The following STIL variants were observed in gnomAD, a reference collection of about 807,000 sequenced individuals.
STIL encodes STIL centriolar assembly protein, also known as SCL-interrupting locus protein.
A neutral mutation model predicts 110.1 loss-of-function variants in STIL; 55 were observed. The observed-to-expected ratio is 0.50, with a 90% confidence interval of 0.40 to 0.63. STIL has a LOEUF of 0.63. STIL is among the 20% of genes least tolerant of loss of function. The pLI is 0.00. For missense variants in STIL, 1,358 were observed against 1,530.0 expected (o/e 0.89, Z 1.87); for synonymous variants, 481 against 530.0 (o/e 0.91, Z 1.27).
Position 47,293,448 on chromosome 1 carries a change from T to C in STIL, c.872+10A>G, listed in dbSNP as rs1645552315. ...CGAAATAAAGTACTACAGAATAAAA[T>C]ATCACTTGCCTTTCTTGAACAGAAG... On this transcript the variant is annotated intron_variant, in intron 8 of 16. Coordinates refer to ENST00000371877, the MANE Select transcript of STIL (RefSeq NM_001048166.1). 1 of 1,607,930 alleles carries C rather than the reference T, an allele frequency of 6.2e-7. No homozygotes were observed. Among genetic ancestry groups the C allele is most frequent in the Non-Finnish European group, 8.5e-7 (1 of 1,174,724 alleles).
At chr1:47,270,670 C>CTTTTT (rs542462270) in intron 13 of STIL, among the ~76,000 whole-genome samples, 7 of 94,082 alleles carry the variant, frequency 7.4e-5, no homozygotes, top group South Asian at 4.3e-4. Context: ...GTTTCCCAAT[C>CTTTTT]TTTTTTTTTT....
chr1:47,304,805 T>C, intron 3 of STIL, 84 bp downstream of exon 3: 1 of 1,022,230 alleles, frequency 9.8e-7, no homozygotes, highest in Admixed American at 2.1e-5. Context: ...GAATAATTGG[T>C]CATAGTAATC....
intron 12 of STIL, among the ~76,000 whole-genome samples, chr1:47,278,988 C>T (rs892825801): frequency 6.6e-6 from 1 of 151,974 alleles, no homozygotes; most frequent in Non-Finnish European, 1.5e-5. Flanking sequence ...TTTTATAAAA[C>T]AAAGATTTTT....
In STIL at chr1:47,280,339, G is replaced by T; in HGVS notation, c.2119C>A (p.Pro707Thr). The T allele has an allele frequency of 6.2e-7, 1 of 1,614,232 alleles. No homozygotes were observed. Residue 707 changes from proline to threonine, a missense_variant, in exon 12 of 17, where the codon CCC becomes ACC. Physicochemically the swap from Pro to Thr is conservative, Grantham distance 38 (BLOSUM62 -1). Coordinates refer to ENST00000371877, the MANE Select transcript of STIL (RefSeq NM_001048166.1). ...ATTCCATTATCTGACTCAGTCTTGG[G>T]TGTGTGCATGCACACTGTGCAAGGC... ...PQPCTVCMHT[P>T]KTESDNGMMG...
chr1:47,296,249 C>T (rs1645638983), intron 6 of STIL, among the ~76,000 whole-genome samples: 1 of 152,156 alleles, frequency 6.6e-6, no homozygotes, highest in South Asian at 2.1e-4. Context: ...AGTGATTTGA[C>T]AAGACTGCAA....
intron 16 of STIL, among the ~76,000 whole-genome samples, chr1:47,258,445 C>A (rs568982603): frequency 6.6e-6 from 1 of 152,230 alleles, no homozygotes; most frequent in South Asian, 2.1e-4. Context: ...TAATAGAGCA[C>A]TGGGGTTCAA....
intron 14 of STIL, among the ~76,000 whole-genome samples, chr1:47,266,579 G>A (rs1570071585): frequency 1.3e-5 from 2 of 152,270 alleles, no homozygotes; most frequent in East Asian, 1.9e-4. Context: ...GCCTAGCCTG[G>A]TCTTGAATTT....
intron 12 of STIL, among the ~76,000 whole-genome samples, chr1:47,276,988 G>A (rs549131590): frequency 1.3e-5 from 2 of 152,134 alleles, no homozygotes; most frequent in South Asian, 4.1e-4. Flanking sequence ...AGCCTTTCCA[G>A]CAGCCATTTT....
chr1:47,299,807 T>C, intron 6 of STIL, 98 bp downstream of exon 6: 2 of 1,263,646 alleles, frequency 1.6e-6, no homozygotes, highest in South Asian at 2.6e-5. Flanking sequence ...ACCATATCTC[T>C]GGCATATAAA....
chr1:47,279,425 G>A (rs1317373119), intron 12 of STIL, among the ~76,000 whole-genome samples: 1 of 152,040 alleles, frequency 6.6e-6, no homozygotes, highest in Non-Finnish European at 1.5e-5. Context: ...CTGTTTTGGG[G>A]TAGGTATGTG....
At chr1:47,301,364 C>T (rs1645799133) in intron 5 of STIL, among the ~76,000 whole-genome samples, 197 bp downstream of exon 5, 1 of 152,156 alleles carries the variant, frequency 6.6e-6, no homozygotes, top group Non-Finnish European at 1.5e-5. Flanking sequence ...GGTTACACTG[C>T]TTCTTCTGAA....
intron 11 of STIL, 69 bp downstream of exon 11, chr1:47,282,276 A>AACCAT (rs1377524583): frequency 6.0e-5 from 55 of 913,558 alleles, no homozygotes; most frequent in Non-Finnish European, 9.2e-5. Flanking sequence ...AGTATTATTT[A>AACCAT]GTGTTTTAAC....
chr1:47,271,679 G>A (rs1311428557), intron 13 of STIL, among the ~76,000 whole-genome samples: 4 of 151,574 alleles, frequency 2.6e-5, no homozygotes, highest in African/African-American at 9.7e-5. Flanking sequence ...GGTGGCTCAC[G>A]CCTGTAATCC....
chr1:47,284,157 C>T (rs1239133911), intron 10 of STIL: 2 of 152,124 alleles, frequency 1.3e-5, no homozygotes, highest in East Asian at 1.9e-4. Flanking sequence ...CTCTGCCTCC[C>T]GAAGCACTGG....
At chr1:47,313,730 A>G (rs1646207621) in intron 1 of STIL, among the ~76,000 whole-genome samples, 1 of 152,212 alleles carries the variant, frequency 6.6e-6, no homozygotes, top group South Asian at 2.1e-4. Flanking sequence ...GCAGAGTGTG[A>G]GCCAGAAATT....
chr1:47,259,068 G>A (rs550440411), intron 16 of STIL, among the ~76,000 whole-genome samples: 2 of 123,994 alleles, frequency 1.6e-5, no homozygotes, highest in African/African-American at 3.1e-5. Context: ...CTCACTGCAA[G>A]CTCTGCCTCC....
At chr1:47,287,421 C>T in intron 10 of STIL, 130 bp downstream of exon 10, 1 of 634,586 alleles carries the variant, frequency 1.6e-6, no homozygotes, top group Non-Finnish European at 2.6e-6. Context: ...GCATTTAAAA[C>T]AAAGACATTT....
intron 16 of STIL, among the ~76,000 whole-genome samples, chr1:47,257,404 G>C: frequency 6.6e-6 from 1 of 152,120 alleles, no homozygotes; most frequent in East Asian, 1.9e-4. Flanking sequence ...TGAGGCAGGA[G>C]GATTGGCTTC....
At chr1:47,254,615 C>T (rs1044598398) in intron 16 of STIL, among the ~76,000 whole-genome samples, 3 of 152,040 alleles carry the variant, frequency 2.0e-5, no homozygotes, top group East Asian at 1.9e-4. Flanking sequence ...ACCATGGCAT[C>T]GACCTCCCAG....
Sources: allele counts gnomAD v4.1 joint callset (sites outside exome capture counted in the v4.1 genomes callset), GRCh38; gene constraint gnomAD v4.1.1; transcripts MANE v1.5; gene names NCBI Gene and HGNC (gene_info 2026-07-23, HGNC 2026-07-21).